Variants in KAZN observed in about 807,000 individuals in gnomAD.
KAZN encodes the protein kazrin.
In KAZN, 40 loss-of-function variants were observed where a neutral mutation model predicts 87.4. That is an observed-to-expected ratio of 0.46 (90% confidence interval 0.36 to 0.60). The LOEUF is 0.60. Ranked by LOEUF, KAZN falls within the 20% of genes least tolerant of loss-of-function variation. The probability of loss-of-function intolerance (pLI) is 0.00; values close to 1 mark genes in which losing one functional copy is unlikely to be tolerated. For missense variants in KAZN, 898 were observed against 1,073.9 expected (o/e 0.84, Z 2.29); for synonymous variants, 466 against 458.3 (o/e 1.02, Z -0.22).
At chr1:14,554,874 AC>A (rs1330604652) in intron 2 of KAZN, among the ~76,000 whole-genome samples, 3 of 152,182 alleles carry the variant, frequency 2.0e-5, no homozygotes, top group Non-Finnish European at 4.4e-5. Context: ...CGAGTCACAA[AC>A]CATCCCAGTG....
intron 1 of KAZN, among the ~76,000 whole-genome samples, chr1:14,082,479 A>T (rs1212310214): frequency 6.6e-6 from 1 of 152,110 alleles, no homozygotes; most frequent in Non-Finnish European, 1.5e-5. Flanking sequence ...CTGCCTTCTT[A>T]AATGACTGCC....
chr1:14,636,538 A>C (rs1030098827), intron 1 of KAZN, among the ~76,000 whole-genome samples: 1 of 152,146 alleles, frequency 6.6e-6, no homozygotes, highest in Non-Finnish European at 1.5e-5. Flanking sequence ...CGGAACACTC[A>C]CTGGGTCCCA....
At chr1:14,198,110 A>G (rs902239750) in intron 2 of KAZN, among the ~76,000 whole-genome samples, 2 of 152,178 alleles carry the variant, frequency 1.3e-5, no homozygotes, top group Admixed American at 1.3e-4. Flanking sequence ...CTCAAGCATA[A>G]AGACAAAAAT....
intron 1 of KAZN, among the ~76,000 whole-genome samples, chr1:14,803,447 G>T (rs1646103938): frequency 6.6e-6 from 1 of 152,222 alleles, no homozygotes; most frequent in Non-Finnish European, 1.5e-5. Context: ...CAGGGAGTGA[G>T]ATGCTGAAGC....
chr1:15,094,045 GC>G lies in KAZN; in HGVS notation c.1223-133del, dbSNP rs1640687532. 1 of 703,708 alleles carries G rather than the reference GC, an allele frequency of 1.4e-6. No homozygotes were observed. Among genetic ancestry groups the G allele is most frequent in the African/African-American group, 1.8e-5 (1 of 56,006 alleles). The allele number at this position is 703,708 out of a possible 1,614,324, so 43.6% of individuals were successfully genotyped here. A position where few individuals can be genotyped will look rare whatever the true frequency, so the allele number is the denominator to read the frequency against. The stretch of plus-strand genomic sequence containing the variant: ...GGGCAGAAAAACAAAAACGCCAAAA[GC>G]CACTTTGATTTTGAAGAGAATACAT... On this transcript the variant is annotated intron_variant, in intron 8 of 14. Transcript: ENST00000376030. The surrounding 1 kb of genome is among the most constrained non-coding windows in gnomAD (Gnocchi z 4.5).
At chr1:14,623,601 A>T (rs971677943) in intron 1 of KAZN, among the ~76,000 whole-genome samples, 4 of 152,350 alleles carry the variant, frequency 2.6e-5, no homozygotes, top group Non-Finnish European at 4.4e-5. Context: ...AAGCCTGCAC[A>T]TGTACCCCTG....
chr1:14,971,150 A>G (rs1664982299), intron 2 of KAZN, among the ~76,000 whole-genome samples: 1 of 152,202 alleles, frequency 6.6e-6, no homozygotes, highest in Non-Finnish European at 1.5e-5. Context: ...TTGTAATACC[A>G]TCACTTTGAG....
At chr1:15,009,084 C>T (rs1343636509) in intron 2 of KAZN, among the ~76,000 whole-genome samples, 2 of 152,232 alleles carry the variant, frequency 1.3e-5, no homozygotes, top group Admixed American at 1.3e-4. Flanking sequence ...GCCCCCTTCC[C>T]TCCAGCCTTA....
At chr1:14,777,682 C>T (rs1226067124) in intron 1 of KAZN, among the ~76,000 whole-genome samples, 2 of 152,188 alleles carry the variant, frequency 1.3e-5, no homozygotes, top group South Asian at 2.1e-4. Flanking sequence ...CACTCTGCCT[C>T]CTCATTGTCA....
At chr1:14,042,722 G>A (rs1311756745) in intron 1 of KAZN, among the ~76,000 whole-genome samples, 3 of 152,140 alleles carry the variant, frequency 2.0e-5, no homozygotes, top group African/African-American at 7.2e-5. Context: ...GGAACTGGAA[G>A]TCAAGCTGTC....
intron 1 of KAZN, among the ~76,000 whole-genome samples, chr1:14,724,344 G>T (rs919198346): frequency 6.6e-6 from 1 of 152,134 alleles, no homozygotes; most frequent in African/African-American, 2.4e-5. Flanking sequence ...CCACAATATC[G>T]ATGCCTCACT....
At chr1:14,217,426 C>T (rs1353099534) in intron 2 of KAZN, among the ~76,000 whole-genome samples, 5 of 151,284 alleles carry the variant, frequency 3.3e-5, no homozygotes, top group Non-Finnish European at 7.4e-5. Flanking sequence ...AAAAAAAAAC[C>T]TAAGAAAATG....
In KAZN at chr1:14,856,129, C is replaced by A. The variant is rs1393587849; in HGVS notation, c.227-104555C>A. 5.3e-5 allele frequency among the ~76,000 whole-genome samples: 8 copies of A among 152,066 alleles called. No homozygotes were observed. Among genetic ancestry groups the A allele is most frequent in the Admixed American group, 5.2e-4 (8 of 15,260 alleles). On this transcript the variant is annotated intron_variant, in intron 1 of 14. Transcript: ENST00000376030. This position sits in a 1 kb window ranked among gnomAD's most constrained non-coding sequence, Gnocchi z 5.2. ...GTTACGTAGTAGTTATTGCAAGGGTCTGTGCTATAAAATCAGACTCTGAGG... is the reference window on the plus strand; with the variant it reads ...GTTACGTAGTAGTTATTGCAAGGGTATGTGCTATAAAATCAGACTCTGAGG...
Position 15,056,010 on chromosome 1 carries a change from TG to T in KAZN, c.727-79del. 1 of 1,381,922 alleles carries T rather than the reference TG, an allele frequency of 7.2e-7. No homozygotes were observed. Among genetic ancestry groups the T allele is most frequent in the Non-Finnish European group, 1.0e-6 (1 of 991,422 alleles). 85.6% of individuals were successfully genotyped at this position (1,381,922 alleles called of 1,614,324 possible). On this transcript the variant is annotated intron_variant, in intron 4 of 14. Transcript: ENST00000376030. The surrounding 1 kb of genome is among the most constrained non-coding windows in gnomAD (Gnocchi z 5.4). ...GCAGAGGATCCGGGCTTTCTCCCCATGGCGGTGGGTGGTGCCAAGCAGCTGG... is the reference window on the plus strand; with the variant it reads ...GCAGAGGATCCGGGCTTTCTCCCCATGCGGTGGGTGGTGCCAAGCAGCTGG...
chr1:14,135,607 C>T (rs1362019094), intron 1 of KAZN, among the ~76,000 whole-genome samples: 1 of 152,212 alleles, frequency 6.6e-6, no homozygotes, highest in African/African-American at 2.4e-5. Flanking sequence ...CCTTCAGAGG[C>T]ATTTAAAGTT....
intron 2 of KAZN, among the ~76,000 whole-genome samples, chr1:14,425,298 C>T (rs1665660644): frequency 1.3e-5 from 2 of 152,178 alleles, no homozygotes; most frequent in Non-Finnish European, 2.9e-5. Context: ...TAGCTGGGGG[C>T]ATCTGGAACA....
intron 1 of KAZN, among the ~76,000 whole-genome samples, chr1:14,832,133 T>C (rs1647066509): frequency 6.6e-6 from 1 of 150,636 alleles, no homozygotes. Flanking sequence ...GAGGCAGAGG[T>C]TGCAGTGAGC....
chr1:14,145,739 C>T (rs1044409142), intron 1 of KAZN, among the ~76,000 whole-genome samples: 6 of 152,144 alleles, frequency 3.9e-5, no homozygotes, highest in African/African-American at 1.4e-4. Context: ...TGCTACCACA[C>T]CTGGCTAATT....
chr1:14,546,647 T>C (rs1296988227), intron 2 of KAZN, among the ~76,000 whole-genome samples: 2 of 152,118 alleles, frequency 1.3e-5, no homozygotes, highest in East Asian at 3.9e-4. Context: ...CTAAACTGCT[T>C]TCTATTGATT....
Sources: allele counts gnomAD v4.1 joint callset (sites outside exome capture counted in the v4.1 genomes callset), GRCh38; gene constraint gnomAD v4.1.1; non-coding constraint Gnocchi (gnomAD v3.1); transcripts MANE v1.5; gene names NCBI Gene and HGNC (gene_info 2026-07-23, HGNC 2026-07-21).